Variants in ABCC3 observed in about 807,000 individuals in gnomAD.
ABCC3 encodes ATP binding cassette subfamily C member 3, also known as ATP-binding cassette sub-family C member 3.
A neutral mutation model predicts 165.3 loss-of-function variants in ABCC3; 121 were observed. The ratio of observed to expected loss-of-function variants is 0.73; its 90% CI spans 0.63 to 0.85. The LOEUF (loss-of-function observed/expected upper bound fraction) is 0.85, where lower values mean the gene tolerates loss of function less well. ABCC3 is among the 40% of genes least tolerant of loss of function. The probability of loss-of-function intolerance (pLI) is 0.00; values close to 1 mark genes in which losing one functional copy is unlikely to be tolerated. For synonymous variants in ABCC3, 733 were observed against 810.1 expected (o/e 0.90, Z 1.62); for missense variants, 1,869 against 1,964.1 (o/e 0.95, Z 0.92).
At position 50,676,892 on chromosome 17, in the gene ABCC3, G is replaced by A. The variant is rs113459842; in HGVS notation, c.3378+304G>A. 4.0e-5 allele frequency among the ~76,000 whole-genome samples: 6 copies of A among 149,916 alleles called. No homozygotes were observed. In the East Asian group the frequency reaches 5.9e-4, roughly 15 times the overall value. ...CCTGTTGGCTTTTTTTTTTTGGGGG[G>A]GGGGGGACGGAATCTCGAGTCTCGC... On this transcript the variant is annotated intron_variant, in intron 23 of 30. Coordinates refer to ENST00000285238, the MANE Select transcript of ABCC3 (RefSeq NM_003786.4).
intron 1 of ABCC3, among the ~76,000 whole-genome samples, chr17:50,651,673 C>G (rs759882613): frequency 2.6e-5 from 4 of 152,036 alleles, no homozygotes; most frequent in African/African-American, 9.7e-5. Context: ...TGCAGTGAGC[C>G]GAGATCTTGC....
intron 1 of ABCC3, among the ~76,000 whole-genome samples, chr17:50,640,045 T>C (rs982135650): frequency 6.6e-5 from 10 of 152,150 alleles, no homozygotes; most frequent in Admixed American, 6.5e-4. Context: ...ATTACAGGCG[T>C]GAGCCACCGC....
Position 50,664,011 on chromosome 17 carries a change from T to G in ABCC3, c.1238T>G (p.Met413Arg), listed in dbSNP as rs1346488015. The change falls in exon 10 of 31, where the codon ATG becomes AGG. Residue 413 changes from methionine to arginine, a missense_variant. Transcript: ENST00000285238. ...ASTVGEIVNL[M>R]SVDAQRFMDL... ...ACTGTGGGGGAAATTGTCAACCTCA[T>G]GTCAGTGGATGCCCAGCGCTTCATG... is the stretch of plus-strand genomic sequence containing the variant. 1.2e-6 allele frequency: 2 copies of G among 1,614,004 alleles called. No individual in the cohort carries two copies. The highest frequency in any genetic ancestry group is 1.7e-6 in the Non-Finnish European group (2 of 1,179,982).
intron 1 of ABCC3, among the ~76,000 whole-genome samples, chr17:50,647,393 C>T (rs1967021690): frequency 6.6e-6 from 1 of 152,200 alleles, no homozygotes; most frequent in South Asian, 2.1e-4. Flanking sequence ...AGTGAAGGAT[C>T]TTACTTTGAG....
At chr17:50,689,354 C>T (rs543549708) in intron 30 of ABCC3, among the ~76,000 whole-genome samples, 1 of 152,328 alleles carries the variant, frequency 6.6e-6, no homozygotes, top group Admixed American at 6.5e-5. Context: ...AGACCACTCC[C>T]TCATTGTGCC....
chr17:50,661,090 C>T lies in ABCC3; in HGVS notation c.974C>T (p.Ser325Phe), dbSNP rs770169344. 3.1e-6 allele frequency: 5 copies of T among 1,613,736 alleles called. No homozygotes were observed. Among genetic ancestry groups the T allele is most frequent in the African/African-American group, 2.7e-5 (2 of 74,938 alleles). The change falls in exon 8 of 31, where the codon TCC becomes TTC. Residue 325 changes from serine (S) to phenylalanine (F), a missense_variant. By Grantham distance (155) the Ser-to-Phe change is radical. Coordinates refer to ENST00000285238, the MANE Select transcript of ABCC3 (RefSeq NM_003786.4). ...TTCAAGCTTATCCAGGACCTGCTCTCCTTCATCAATCCACAGCTGCTCAGG... is the reference window on the plus strand; with the variant it reads ...TTCAAGCTTATCCAGGACCTGCTCTTCTTCATCAATCCACAGCTGCTCAGG... ...ACFKLIQDLL[S>F]FINPQLLSIL...
intron 1 of ABCC3, among the ~76,000 whole-genome samples, chr17:50,640,376 C>T (rs542146632): frequency 3.3e-5 from 5 of 152,312 alleles, no homozygotes; most frequent in African/African-American, 7.2e-5. Flanking sequence ...CTGTCATGAG[C>T]GTGAAATGAT....
chr17:50,635,781 G>A, intron 1 of ABCC3: 2 of 591,214 alleles, frequency 3.4e-6, no homozygotes. Flanking sequence ...CCTTTGGGAG[G>A]CAGAGGTGGG....
At chr17:50,647,173 G>C (rs149401360) in intron 1 of ABCC3, among the ~76,000 whole-genome samples, 1 of 152,262 alleles carries the variant, frequency 6.6e-6, no homozygotes, top group Non-Finnish European at 1.5e-5. Context: ...CATTGTGCCC[G>C]GCCAAGTGTG....
Position 50,669,165 on chromosome 17 carries a change from G to A in ABCC3, c.1963G>A (p.Ala655Thr), listed in dbSNP as rs1226927375. The change falls in exon 16 of 31, where the codon GCA (alanine) becomes ACA (threonine). Residue 655 changes from alanine (A) to threonine (T), a missense_variant. Physicochemically the swap from Ala to Thr is moderately conservative, Grantham distance 58. Coordinates refer to ENST00000285238, the MANE Select transcript of ABCC3 (RefSeq NM_003786.4). Reference sequence around the variant, plus strand: ...CCTAGACATCCAGGTCCCGAAAGGGGCACTGGTGGCCGTGGTGGGGCCTGT... The same window carrying A: ...CCTAGACATCCAGGTCCCGAAAGGGACACTGGTGGCCGTGGTGGGGCCTGT... ...HSLDIQVPKG[A>T]LVAVVGPVGC... 3.1e-6 allele frequency: 5 copies of A among 1,603,456 alleles called. No individual in the cohort carries two copies. In the Admixed American group the frequency reaches 7.2e-5, roughly 23 times the overall value.
intron 1 of ABCC3, among the ~76,000 whole-genome samples, chr17:50,655,204 G>A (rs1967203542): frequency 6.7e-6 from 1 of 150,282 alleles, no homozygotes; most frequent in South Asian, 2.1e-4. Flanking sequence ...TCAAGAGATC[G>A]AGACCATCCT....
At chr17:50,690,217 G>A (rs1442255798) in intron 30 of ABCC3, among the ~76,000 whole-genome samples, 1 of 152,188 alleles carries the variant, frequency 6.6e-6, no homozygotes, top group Non-Finnish European at 1.5e-5. Context: ...ACCAAGATGG[G>A]GGTGGAGAAC....
chr17:50,652,394 C>G lies in ABCC3; in HGVS notation c.46-3438C>G, dbSNP rs1028834892. Among the ~76,000 whole-genome samples, 3 of 89,576 alleles carry G rather than the reference C, an allele frequency of 3.3e-5. No homozygotes were observed. The South Asian group carries it at 1.1e-3, about 33-fold the overall frequency. The allele number at this position is 89,576 out of a possible 152,430, so 58.8% of individuals were successfully genotyped here. A position where few individuals can be genotyped will look rare whatever the true frequency, so the allele number is the denominator to read the frequency against. ...CTTTTGAATAAGATTCGTGAAGGAG[C>G]TTTTAAGATTTTTTTGTTTGATTTC... is the stretch of plus-strand genomic sequence containing the variant. On this transcript the variant is annotated intron_variant, in intron 1 of 30. Transcript: ENST00000285238.
At chr17:50,675,200 T>G (rs1305636596) in intron 19 of ABCC3, among the ~76,000 whole-genome samples, 162 bp from the exon 20 acceptor site, 1 of 152,212 alleles carries the variant, frequency 6.6e-6, no homozygotes, top group East Asian at 1.9e-4. Context: ...GAGTTTTTCT[T>G]GTTGCTTAAC....
intron 1 of ABCC3, among the ~76,000 whole-genome samples, chr17:50,638,220 T>C (rs2054196770): frequency 6.6e-6 from 1 of 152,176 alleles, no homozygotes; most frequent in Non-Finnish European, 1.5e-5. Context: ...CTCTCTGTTC[T>C]GAACCACAGA....
At chr17:50,687,751 C>T in intron 30 of ABCC3, 21 bp downstream of exon 30, 1 of 1,606,852 alleles carries the variant, frequency 6.2e-7, no homozygotes, top group South Asian at 1.1e-5. Context: ...GAAACCTGAG[C>T]AATGGGGAAC....
chr17:50,636,581 C>G (rs1353130083), intron 1 of ABCC3, among the ~76,000 whole-genome samples: 1 of 152,172 alleles, frequency 6.6e-6, no homozygotes, highest in East Asian at 1.9e-4. Context: ...TTTCACTGCC[C>G]TTTGGGCCAG....
At chr17:50,675,528 A>C in intron 20 of ABCC3, 52 bp downstream of exon 20, 1 of 1,592,810 alleles carries the variant, frequency 6.3e-7, no homozygotes, top group Non-Finnish European at 8.6e-7. Context: ...AGGCCTCCCC[A>C]GGCCCTGCCA....
chr17:50,674,957 G>A (rs1967768526), intron 19 of ABCC3, among the ~76,000 whole-genome samples: 2 of 151,864 alleles, frequency 1.3e-5, no homozygotes, highest in African/African-American at 4.8e-5. Flanking sequence ...CCGCCACCAC[G>A]CCCGGCTAAT....
Sources: gnomAD v4.1 joint callset for allele counts (sites outside exome capture counted in the v4.1 genomes callset) on GRCh38, gnomAD v4.1.1 for gene constraint, MANE v1.5 for transcripts, NCBI Gene and HGNC (gene_info 2026-07-23, HGNC 2026-07-21) for gene names.